Variants in LMNA observed in about 807,000 individuals in gnomAD.
LMNA encodes the protein lamin.
Under a neutral mutation model 70.4 loss-of-function variants are expected in LMNA, and 20 were observed. The observed-to-expected ratio is 0.28, with a 90% CI of 0.20 to 0.41. The LOEUF (loss-of-function observed/expected upper bound fraction) is 0.41, where lower values mean the gene tolerates loss of function less well. Ranked by LOEUF, LMNA falls within the 10% of genes least tolerant of loss-of-function variation. The pLI is 1.00. For synonymous variants in LMNA, 339 were observed against 372.8 expected (o/e 0.91, Z 1.04); for missense variants, 652 against 917.2 (o/e 0.71, Z 3.73).
At chr1:156,126,349 TC>T (rs1650574826) in intron 1 of LMNA, 1 of 798,824 alleles carries the variant, frequency 1.3e-6, no homozygotes, top group Non-Finnish European at 1.9e-6. Flanking sequence ...CTCTTGCTTC[TC>T]CCCCAGATTG....
In LMNA at chr1:156,124,145, G is replaced by A. The variant is rs756972249; in HGVS notation, c.357-6472G>A. Among the ~76,000 whole-genome samples the A allele has an allele frequency of 3.7e-4, 57 of 152,300 alleles. 1 individual carries two copies. Among genetic ancestry groups the A allele is most frequent in the Admixed American group, 1.8e-3 (28 of 15,290 alleles). ...ATGCCTGCTGTGGGTGCACATGCCC[G>A]CGTGAGGGAGTCGGGGTGTTTCATC... On this transcript the variant is annotated intron_variant, in intron 1 of 11. Coordinates refer to ENST00000368300, the MANE Select transcript of LMNA (RefSeq NM_170707.4).
At chr1:156,089,169 G>A (rs1181495494) in intron 2 of LMNA, among the ~76,000 whole-genome samples, 2 of 152,022 alleles carry the variant, frequency 1.3e-5, no homozygotes, top group African/African-American at 4.8e-5. Context: ...TAGAGATGGG[G>A]TTTTGCCATG....
At chr1:156,095,536 T>C (rs1648904094) in intron 3 of LMNA, among the ~76,000 whole-genome samples, 1 of 151,738 alleles carries the variant, frequency 6.6e-6, no homozygotes. Flanking sequence ...TTTGTATTTT[T>C]AGTAGAGACG....
Position 156,137,087 on chromosome 1 carries a change from G to A in LMNA, c.1489-26G>A. The A allele has an allele frequency of 1.2e-6, 2 of 1,614,064 alleles. No individual in the cohort carries two copies. The highest frequency in any genetic ancestry group is 1.7e-6 in the Non-Finnish European group (2 of 1,179,954). On this transcript the variant is annotated intron_variant, in intron 8 of 11. Transcript: ENST00000368300. This position sits in a 1 kb window ranked among gnomAD's most constrained non-coding sequence, Gnocchi z 4.6. ...CCTTGGGTGGCGATGGGAGCGCTGG[G>A]GTAAGTGTCCTTTTCTCCTCTCCAG...
At chr1:156,091,982 A>C (rs1391780357) in intron 3 of LMNA, among the ~76,000 whole-genome samples, 1 of 151,578 alleles carries the variant, frequency 6.6e-6, no homozygotes, top group Non-Finnish European at 1.5e-5. Context: ...CAGTGGCATG[A>C]TTTTGGCTCA....
At chr1:156,082,784 C>G (rs1049935436) in intron 1 of LMNA, 2 of 150,492 alleles carry the variant, frequency 1.3e-5, no homozygotes, top group Non-Finnish European at 3.0e-5. Flanking sequence ...CCGCGCCGGC[C>G]GGTCCTGGGG....
At chr1:156,107,729 C>T (rs899740146) in intron 3 of LMNA, among the ~76,000 whole-genome samples, 1 of 152,216 alleles carries the variant, frequency 6.6e-6, no homozygotes, top group Admixed American at 6.5e-5. Flanking sequence ...CTTGCTGAGC[C>T]TGAGAAGAAA....
At chr1:156,101,785 C>A (rs1373087605) in intron 3 of LMNA, among the ~76,000 whole-genome samples, 2 of 152,136 alleles carry the variant, frequency 1.3e-5, no homozygotes, top group African/African-American at 4.8e-5. Context: ...TGGTGGTGAG[C>A]AGACCAGAGA....
In LMNA at chr1:156,137,175, G is replaced by T. The variant is rs41314035; in HGVS notation, c.1551G>T (p.Gln517His). The change falls in exon 9 of 12, where the codon CAG becomes CAT. Residue 517 changes from glutamine to histidine, a missense_variant. Coordinates refer to ENST00000368300, the MANE Select transcript of LMNA (RefSeq NM_170707.4). The surrounding 1 kb of genome is among the most constrained non-coding windows in gnomAD (Gnocchi z 4.6). ...CTACCGACCTGGTGTGGAAGGCACA[G>T]AACACCTGGGGCTGCGGGAACAGCC... Reference protein sequence around the residue: ...SPPTDLVWKAQNTWGCGNSLR... With the variant: ...SPPTDLVWKAHNTWGCGNSLR... 2.5e-6 allele frequency: 4 copies of T among 1,610,864 alleles called. No individual in the cohort carries two copies. The highest frequency in any genetic ancestry group is 2.5e-6 in the Non-Finnish European group (3 of 1,178,848).
intron 2 of LMNA, among the ~76,000 whole-genome samples, chr1:156,133,591 AAAAAG>A (rs1033967326): frequency 5.9e-5 from 9 of 151,990 alleles, no homozygotes; most frequent in African/African-American, 2.2e-4. Flanking sequence ...TAAAAATAAA[AAAAAG>A]AAAATCTAAG....
chr1:156,089,811 T>A (rs1055562887), intron 2 of LMNA, among the ~76,000 whole-genome samples: 18 of 152,184 alleles, frequency 1.2e-4, no homozygotes, highest in Admixed American at 6.5e-4. Context: ...CATTGTCTGA[T>A]TTCCCCAGGG....
At position 156,138,846 on chromosome 1, in the gene LMNA, C is replaced by G. The variant is rs1043338216; in HGVS notation, c.1968+89C>G. 2.6e-5 allele frequency: 40 copies of G among 1,549,132 alleles called. No homozygotes were observed. Among genetic ancestry groups the G allele is most frequent in the Non-Finnish European group, 3.3e-5 (37 of 1,128,136 alleles). On this transcript the variant is annotated intron_variant, in intron 11 of 11. Coordinates refer to ENST00000368300, the MANE Select transcript of LMNA (RefSeq NM_170707.4). The surrounding 1 kb of genome is among the most constrained non-coding windows in gnomAD (Gnocchi z 5.5). ...CGAGGTGGCCTTGCAGGGGGGAGAG[C>G]CTGCCTTCTCTTCCGCAGCCCGGGG...
At chr1:156,095,405 A>G (rs988183827) in intron 3 of LMNA, among the ~76,000 whole-genome samples, 1 of 151,808 alleles carries the variant, frequency 6.6e-6, no homozygotes, top group Non-Finnish European at 1.5e-5. Flanking sequence ...GTGATACTGA[A>G]TGAGTCACTC....
chr1:156,110,700 G>C (rs1325880777), upstream of LMNA, among the ~76,000 whole-genome samples: 1 of 152,188 alleles, frequency 6.6e-6, no homozygotes, highest in Non-Finnish European at 1.5e-5. Flanking sequence ...AAGAGGCTGG[G>C]TGCGGTGGCT....
At chr1:156,104,716 G>A (rs972496166) in intron 3 of LMNA, among the ~76,000 whole-genome samples, 4 of 152,172 alleles carry the variant, frequency 2.6e-5, no homozygotes, top group Admixed American at 6.5e-5. Context: ...CGGCTAGTGC[G>A]TCGTCGGTGC....
At chr1:156,127,539 G>A (rs1004731695) in intron 1 of LMNA, among the ~76,000 whole-genome samples, 1 of 87,722 alleles carries the variant, frequency 1.1e-5, no homozygotes, top group African/African-American at 4.3e-5. Flanking sequence ...TTTTTTTTGA[G>A]ATGGAGTCTC....
Position 156,135,540 on chromosome 1 carries a change from C to T in LMNA, c.936+228C>T. On this transcript the variant is annotated intron_variant, in intron 5 of 11. Coordinates refer to ENST00000368300, the MANE Select transcript of LMNA (RefSeq NM_170707.4). The surrounding 1 kb of genome is among the most constrained non-coding windows in gnomAD (Gnocchi z 4.8). ...CTTCACTTCTCAGGGCTTTGGTTTT[C>T]CCATTCGAAAATGGAGGCTGTTCTT... The T allele has an allele frequency of 9.4e-6, 6 of 636,196 alleles. No homozygotes were observed. Among genetic ancestry groups the T allele is most frequent in the South Asian group, 7.6e-5 (4 of 52,808 alleles). The allele number at this position is 636,196 out of a possible 1,614,324, so 39.4% of individuals were successfully genotyped here. A position where few individuals can be genotyped will look rare whatever the true frequency, so the allele number is the denominator to read the frequency against.
intron 1 of LMNA, among the ~76,000 whole-genome samples, chr1:156,129,606 C>T (rs977568213): frequency 1.3e-5 from 2 of 152,156 alleles, no homozygotes; most frequent in African/African-American, 2.4e-5. Flanking sequence ...TCTTTCCCTC[C>T]GCTCCCTGGG....
rs901460809 is a variant in LMNA at position 156,138,419 on chromosome 1, G to T, written c.1699-69G>T. On this transcript the variant is annotated intron_variant, in intron 10 of 11. Coordinates refer to ENST00000368300, the MANE Select transcript of LMNA (RefSeq NM_170707.4). The surrounding 1 kb of genome is among the most constrained non-coding windows in gnomAD (Gnocchi z 5.5). ...GCGGCTGGGAGCCTGCAGGAGCCTGGAGCCTGGTTGGGCCTGAGTGGTCAG... is the reference window on the plus strand; with the variant it reads ...GCGGCTGGGAGCCTGCAGGAGCCTGTAGCCTGGTTGGGCCTGAGTGGTCAG... 6.5e-7 allele frequency: 1 copy of T among 1,546,898 alleles called. No homozygotes were observed. The highest frequency in any genetic ancestry group is 8.8e-7 in the Non-Finnish European group (1 of 1,138,498).
Sources: allele counts gnomAD v4.1 joint callset (sites outside exome capture counted in the v4.1 genomes callset), GRCh38; gene constraint gnomAD v4.1.1; non-coding constraint Gnocchi (gnomAD v3.1); transcripts MANE v1.5; gene names NCBI Gene and HGNC (gene_info 2026-07-23, HGNC 2026-07-21).